Variants in MGAM2 observed in about 807,000 individuals in gnomAD.
MGAM2 encodes the protein probable maltase-glucoamylase 2.
In MGAM2, 98 loss-of-function variants were observed where a neutral mutation model predicts 96.1. That is an observed-to-expected ratio of 1.02 (90% CI 0.87 to 1.21). The LOEUF (loss-of-function observed/expected upper bound fraction) is 1.21. MGAM2 is among the 50% of genes most tolerant of loss of function. MGAM2 has a pLI of 0.00. For missense variants in MGAM2, 2,055 were observed against 1,182.4 expected (o/e 1.74, Z -10.82); for synonymous variants, 749 against 414.8 (o/e 1.81, Z -9.79).
At chr7:142,158,854 A>G (rs947716549) in intron 19 of MGAM2, among the ~76,000 whole-genome samples, 7 of 152,194 alleles carry the variant, frequency 4.6e-5, no homozygotes, top group African/African-American at 1.7e-4. Context: ...AGGAAGGATT[A>G]TGCTGATCTG....
Position 142,170,092 on chromosome 7 carries a change from T to C in MGAM2, c.3045T>C (p.Asn1015=). The change falls in exon 27 of 48, where the codon AAT becomes AAC. Residue 1015 remains asparagine, a synonymous_variant. Transcript: ENST00000477922. ...MLQVKIYDPT[N]KRYEVPVPLN... ...CTTGCCAGATCTATGACCCCACTAA[T>C]AAAAGGTATGAGGTTCCAGTACCAC... 1 of 701,992 alleles carries C rather than the reference T, an allele frequency of 1.4e-6. No homozygotes were observed. The allele number at this position is 701,992 out of a possible 1,614,324, so 43.5% of individuals were successfully genotyped here. A position where few individuals can be genotyped will look rare whatever the true frequency, so the allele number is the denominator to read the frequency against.
chr7:142,137,478 G>T lies in MGAM2; in HGVS notation c.893G>T (p.Gly298Val). Residue 298 changes from glycine (G) to valine (V), a missense_variant, in exon 9 of 48, where the codon GGA becomes GTA. Coordinates refer to ENST00000477922, the MANE Select transcript of MGAM2 (RefSeq NM_001293626.2). ...CCTGCGATCACTTATCGCACGATTG[G>T]AGGCATTCTTGACTTTTACGTATTC... is the stretch of plus-strand genomic sequence containing the variant. ...PAPAITYRTI[G>V]GILDFYVFLG... 1 of 702,136 alleles carries T rather than the reference G, an allele frequency of 1.4e-6. No homozygotes were observed. The allele number at this position is 702,136 out of a possible 1,614,324, so 43.5% of individuals were successfully genotyped here.
At chr7:142,123,855 A>G (rs531933861) in intron 3 of MGAM2, among the ~76,000 whole-genome samples, 1 of 151,730 alleles carries the variant, frequency 6.6e-6, no homozygotes, top group African/African-American at 2.4e-5. Flanking sequence ...TCAGAAAAAT[A>G]TATTACTATC....
chr7:142,162,863 T>C (rs1795928987), intron 23 of MGAM2, among the ~76,000 whole-genome samples: 1 of 151,818 alleles, frequency 6.6e-6, no homozygotes, highest in Non-Finnish European at 1.5e-5. Flanking sequence ...AATGCCGGCA[T>C]TGATGCTATC....
chr7:142,118,765 C>G (rs1050370476), intron 2 of MGAM2, among the ~76,000 whole-genome samples: 3 of 151,842 alleles, frequency 2.0e-5, no homozygotes, highest in Non-Finnish European at 4.4e-5. Flanking sequence ...ACTTTCCCAG[C>G]GATTTATTCA....
rs75979653 is a variant in MGAM2, at chr7:142,153,909, C to T, written c.1635-109C>T. On this transcript the variant is annotated intron_variant, in intron 15 of 47. Coordinates refer to ENST00000477922, the MANE Select transcript of MGAM2 (RefSeq NM_001293626.2). ...TATGACACCTGGTTTATGACACCCT[C>T]ATGTTGTTTTCTCAGTTTGGTTAGA... is the stretch of plus-strand genomic sequence containing the variant. 3.8e-3 allele frequency: 1,863 copies of T among 485,240 alleles called. 29 individuals carry two copies. Among genetic ancestry groups the T allele is most frequent in the African/African-American group, 0.032 (1,692 of 53,076 alleles). 30.1% of individuals were successfully genotyped at this position (485,240 alleles called of 1,614,324 possible). A position where few individuals can be genotyped will look rare whatever the true frequency, so the allele number is the denominator to read the frequency against.
At chr7:142,187,361 G>A (rs374399479) in intron 35 of MGAM2, among the ~76,000 whole-genome samples, 20 of 152,322 alleles carry the variant, frequency 1.3e-4, no homozygotes, top group African/African-American at 1.9e-4. Flanking sequence ...TAATCCATGC[G>A]TAGTAAAACA....
intron 3 of MGAM2, among the ~76,000 whole-genome samples, chr7:142,122,357 A>G (rs1461541087): frequency 6.6e-6 from 1 of 152,250 alleles, no homozygotes; most frequent in African/African-American, 2.4e-5. Flanking sequence ...TATACAATGC[A>G]AATACAAAGA....
chr7:142,206,761 C>T (rs1223604096), intron 45 of MGAM2, among the ~76,000 whole-genome samples: 1 of 152,104 alleles, frequency 6.6e-6, no homozygotes, highest in Non-Finnish European at 1.5e-5. Flanking sequence ...ATCAAATATG[C>T]TTAAAAATTC....
At chr7:142,132,562 C>T (rs1794924354) in intron 6 of MGAM2, among the ~76,000 whole-genome samples, 2 of 127,696 alleles carry the variant, frequency 1.6e-5, no homozygotes, top group Admixed American at 8.2e-5. Flanking sequence ...TTATACATTC[C>T]ATATACTTTA....
chr7:142,115,764 G>T (rs1817370953), intron 1 of MGAM2, among the ~76,000 whole-genome samples: 1 of 152,126 alleles, frequency 6.6e-6, no homozygotes, highest in Admixed American at 6.5e-5. Flanking sequence ...AGAATTGGGT[G>T]AACCCAGGAG....
chr7:142,176,560 C>G (rs1286795553), intron 32 of MGAM2, among the ~76,000 whole-genome samples: 1 of 152,090 alleles, frequency 6.6e-6, no homozygotes, highest in Admixed American at 6.6e-5. Flanking sequence ...CAATAAACAT[C>G]TGAAAAGATA....
At chr7:142,149,991 G>A (rs548020650) in intron 15 of MGAM2, among the ~76,000 whole-genome samples, 2 of 151,684 alleles carry the variant, frequency 1.3e-5, no homozygotes, top group East Asian at 2.0e-4. Flanking sequence ...GCCCAGGCTG[G>A]AGTGCAATGG....
Position 142,175,739 on chromosome 7 carries a change from G to C in MGAM2, c.3775G>C (p.Glu1259Gln), listed in dbSNP as rs1178454802. ...ANFQNLSLLI[E>Q]QMKKNGMRFI... ...CTTTCAAAACCTCAGTCTTCTGATT[G>C]AGCAAATGAAGAAAAATGGCATGAG... The change falls in exon 32 of 48, where the codon GAG becomes CAG. Residue 1259 changes from glutamate to glutamine, a missense_variant. Transcript: ENST00000477922. 5.7e-6 allele frequency: 4 copies of C among 702,674 alleles called. No individual in the cohort carries two copies. The highest frequency in any genetic ancestry group is 1.0e-5 in the Non-Finnish European group (4 of 384,976). 43.5% of individuals were successfully genotyped at this position (702,674 alleles called of 1,614,324 possible). A position where few individuals can be genotyped will look rare whatever the true frequency, so the allele number is the denominator to read the frequency against.
chr7:142,173,100 T>G (rs1415633735), intron 30 of MGAM2, 129 bp from the exon 31 acceptor site: 4 of 560,346 alleles, frequency 7.1e-6, no homozygotes, highest in African/African-American at 3.7e-5. Flanking sequence ...TTGTTGGACT[T>G]TCTTATCTTT....
intron 3 of MGAM2, among the ~76,000 whole-genome samples, chr7:142,126,836 T>C (rs1413892484): frequency 6.6e-6 from 1 of 152,184 alleles, no homozygotes; most frequent in African/African-American, 2.4e-5. Context: ...AAACTTATCC[T>C]CACACTATAG....
intron 3 of MGAM2, among the ~76,000 whole-genome samples, chr7:142,123,900 A>T (rs940701069): frequency 2.7e-5 from 4 of 150,836 alleles, no homozygotes; most frequent in African/African-American, 9.8e-5. Context: ...TATCCTTCAA[A>T]TGTAGGTCTT....
chr7:142,142,044 G>A (rs952642361), intron 12 of MGAM2, among the ~76,000 whole-genome samples: 6 of 152,162 alleles, frequency 3.9e-5, no homozygotes, highest in Non-Finnish European at 8.8e-5. Context: ...TGCAGATCTT[G>A]TTGCTCCTGA....
chr7:142,194,383 G>A (rs1471549654), intron 37 of MGAM2, among the ~76,000 whole-genome samples: 1 of 151,916 alleles, frequency 6.6e-6, no homozygotes. Context: ...CTAGTCATTA[G>A]GTCATCCTAG....
Sources: allele counts gnomAD v4.1 joint callset (sites outside exome capture counted in the v4.1 genomes callset), GRCh38; gene constraint gnomAD v4.1.1; transcripts MANE v1.5; gene names NCBI Gene and HGNC (gene_info 2026-07-23, HGNC 2026-07-21).